The following LINGO2 variants were observed in gnomAD, a reference collection of about 807,000 sequenced individuals.
LINGO2 encodes leucine rich repeat and Ig domain containing 2, also known as leucine-rich repeat and immunoglobulin-like domain-containing nogo receptor-interacting protein 2.
Under a neutral mutation model 30.6 loss-of-function variants are expected in LINGO2, and 14 were observed. The observed-to-expected ratio is 0.46, with a 90% CI of 0.30 to 0.72. LINGO2 has a LOEUF of 0.72. Ranked by LOEUF, LINGO2 falls within the 30% of genes least tolerant of loss-of-function variation. LINGO2 has a pLI of 0.07. For missense variants in LINGO2, 729 were observed against 751.7 expected, an observed-to-expected ratio of 0.97 and a Z score of 0.35; for synonymous variants, 317 against 288.5, an observed-to-expected ratio of 1.10 and a Z score of -1.00.
At chr9:28,166,208 A>C (rs1326521524) in intron 4 of LINGO2, among the ~76,000 whole-genome samples, 2 of 152,136 alleles carry the variant, frequency 1.3e-5, no homozygotes, top group Non-Finnish European at 2.9e-5. Context: ...ACAAACAAAA[A>C]CCCATAGCCT....
At chr9:28,543,704 G>A (rs930649355) in intron 1 of LINGO2, among the ~76,000 whole-genome samples, 2 of 152,036 alleles carry the variant, frequency 1.3e-5, no homozygotes, top group African/African-American at 4.8e-5. Flanking sequence ...AAGAATGCTT[G>A]AAAGATTGTA....
At chr9:28,136,590 C>G (rs1013031801) in intron 4 of LINGO2, among the ~76,000 whole-genome samples, 2 of 152,128 alleles carry the variant, frequency 1.3e-5, no homozygotes, top group Non-Finnish European at 2.9e-5. Flanking sequence ...ATAAACATGA[C>G]CTGGCTAGGG....
the LINGO2 span, among the ~76,000 whole-genome samples, chr9:29,174,659 T>A: frequency 2.6e-5 from 4 of 152,186 alleles, no homozygotes; most frequent in African/African-American, 9.7e-5. Flanking sequence ...AAAAGTCTAT[T>A]GAAGTTTCCT....
At chr9:28,610,715 C>A (rs1465363541) in intron 1 of LINGO2, among the ~76,000 whole-genome samples, 1 of 152,032 alleles carries the variant, frequency 6.6e-6, no homozygotes, top group Non-Finnish European at 1.5e-5. Context: ...ATAAATAAAC[C>A]AGGCTCAGAT....
At chr9:28,125,876 T>C (rs1259859176) in intron 4 of LINGO2, among the ~76,000 whole-genome samples, 1 of 152,172 alleles carries the variant, frequency 6.6e-6, no homozygotes, top group Non-Finnish European at 1.5e-5. Flanking sequence ...TTCCCAAATG[T>C]CTCTAATTGC....
rs7025351 is a variant in LINGO2, at chr9:28,117,631, C to T, written c.-86-105226G>A. Among the ~76,000 whole-genome samples the T allele has an allele frequency of 6.6e-3, 831 of 125,624 alleles. 19 individuals carry two copies. The highest frequency in any genetic ancestry group is 0.023 in the African/African-American group (760 of 32,564). The allele number at this position is 125,624 out of a possible 152,430, so 82.4% of individuals were successfully genotyped here. Reference sequence around the variant, plus strand: ...TCTCGTGGTGCGCCGTTTCTTAAGCCGGTCTGAAAAGCGCAATATTCGGGT... The same window carrying T: ...TCTCGTGGTGCGCCGTTTCTTAAGCTGGTCTGAAAAGCGCAATATTCGGGT... On this transcript the variant is annotated intron_variant, in intron 4 of 5. Transcript: ENST00000379992.
chr9:28,237,453 A>G (rs1025300449), intron 4 of LINGO2, among the ~76,000 whole-genome samples: 4 of 152,148 alleles, frequency 2.6e-5, no homozygotes, highest in Non-Finnish European at 5.9e-5. Context: ...TCTGTCACTC[A>G]ATAATAACAT....
chr9:28,578,429 C>CA (rs2135635411), intron 1 of LINGO2, among the ~76,000 whole-genome samples: 2 of 152,140 alleles, frequency 1.3e-5, no homozygotes, highest in East Asian at 3.9e-4. Flanking sequence ...AGACTATGCG[C>CA]ATTGTGCAAT....
the LINGO2 span, among the ~76,000 whole-genome samples, chr9:28,902,682 T>G: frequency 6.6e-6 from 1 of 152,114 alleles, no homozygotes; most frequent in Non-Finnish European, 1.5e-5. Flanking sequence ...ATTATTCAAG[T>G]ATCCCTTCTG....
At chr9:28,003,989 G>C (rs985487663) in intron 5 of LINGO2, among the ~76,000 whole-genome samples, 18 of 152,132 alleles carry the variant, frequency 1.2e-4, no homozygotes, top group African/African-American at 4.3e-4. Context: ...TTTGAAAAAA[G>C]AGTGAATTTG....
At chr9:28,295,030 G>C (rs1279567731) in intron 4 of LINGO2, among the ~76,000 whole-genome samples, 178 bp downstream of exon 6, 1 of 152,132 alleles carries the variant, frequency 6.6e-6, no homozygotes. Context: ...TGAGAGTAAA[G>C]GGACTCAATT....
intron 1 of LINGO2, among the ~76,000 whole-genome samples, chr9:28,647,657 C>G (rs1428375433): frequency 2.0e-5 from 3 of 152,036 alleles, no homozygotes; most frequent in African/African-American, 7.2e-5. Flanking sequence ...TCACCTTAGT[C>G]TCTCAGTAGG....
At chr9:28,826,444 G>T in the LINGO2 span, among the ~76,000 whole-genome samples, 809 of 152,224 alleles carry the variant, frequency 5.3e-3, 9 homozygotes, top group African/African-American at 0.019. Flanking sequence ...CTGTACTTCT[G>T]CTGGGAGTTG....
the LINGO2 span, among the ~76,000 whole-genome samples, chr9:29,135,015 T>G: frequency 6.6e-6 from 1 of 152,136 alleles, no homozygotes; most frequent in Non-Finnish European, 1.5e-5. Context: ...TTTTTTTTAT[T>G]GTTTTAGTTT....
At chr9:29,074,339 A>G in the LINGO2 span, among the ~76,000 whole-genome samples, 1 of 152,208 alleles carries the variant, frequency 6.6e-6, no homozygotes, top group Non-Finnish European at 1.5e-5. Context: ...TTTAAAATAC[A>G]TGTATCATTG....
the LINGO2 span, among the ~76,000 whole-genome samples, chr9:28,922,987 A>C: frequency 6.6e-6 from 1 of 152,188 alleles, no homozygotes; most frequent in African/African-American, 2.4e-5. Flanking sequence ...ATACAACGCA[A>C]GGATTGAAGT....
At chr9:29,041,466 T>C in the LINGO2 span, among the ~76,000 whole-genome samples, 1 of 151,970 alleles carries the variant, frequency 6.6e-6, no homozygotes, top group African/African-American at 2.4e-5. Flanking sequence ...GTCAAGACAG[T>C]GTGGTATTGG....
chr9:27,978,264 T>C (rs1364559516), intron 5 of LINGO2, among the ~76,000 whole-genome samples: 4 of 152,098 alleles, frequency 2.6e-5, no homozygotes. Context: ...ATGCAACAGA[T>C]GTCTGGAGGG....
chr9:28,814,876 C>T, the LINGO2 span, among the ~76,000 whole-genome samples: 34 of 152,168 alleles, frequency 2.2e-4, no homozygotes, highest in Non-Finnish European at 7.3e-5. Flanking sequence ...GTGACAAAAT[C>T]ACTCAGGAAG....
Sources: gnomAD v4.1 joint callset for allele counts (sites outside exome capture counted in the v4.1 genomes callset) on GRCh38, gnomAD v4.1.1 for gene constraint, MANE v1.5 for transcripts, NCBI Gene and HGNC (gene_info 2026-07-23, HGNC 2026-07-21) for gene names.